The following AGBL1 variants were observed in gnomAD, a reference collection of about 807,000 sequenced individuals.
The protein encoded by AGBL1 is AGBL carboxypeptidase 1, also known as cytosolic carboxypeptidase 4.
A neutral mutation model predicts 118.9 loss-of-function variants in AGBL1; 130 were observed. The observed-to-expected ratio is 1.09, with a 90% CI of 0.95 to 1.26. The LOEUF is 1.26. Among genes scored for constraint, AGBL1 ranks in the 50% most tolerant of loss-of-function variants. The pLI is 0.00. For synonymous variants in AGBL1, 555 were observed against 478.9 expected, an observed-to-expected ratio of 1.16 and a Z score of -2.08; for missense variants, 1,584 against 1,298.1, an observed-to-expected ratio of 1.22 and a Z score of -3.38.
intron 22 of AGBL1, among the ~76,000 whole-genome samples, chr15:86,791,847 A>G (rs1817122): frequency 0.042 from 6,411 of 151,648 alleles, 304 homozygotes; most frequent in East Asian, 0.12. Flanking sequence ...AGCAATTCTC[A>G]TGCCTTAGCC....
At chr15:86,858,463 G>GGTGTGTGTGTGTGTGTGT (rs3059715) in intron 22 of AGBL1, among the ~76,000 whole-genome samples, 6 of 147,090 alleles carry the variant, frequency 4.1e-5, no homozygotes, top group African/African-American at 1.3e-4. Flanking sequence ...CCTTTCAGGT[G>GGTGTGTGTGTGTGTGTGT]GTGTGTGTGT....
intron 18 of AGBL1, among the ~76,000 whole-genome samples, chr15:86,460,845 TC>T (rs2082326157): frequency 6.6e-6 from 1 of 152,134 alleles, no homozygotes; most frequent in African/African-American, 2.4e-5. Context: ...TAGCAGCTGC[TC>T]CAGTTCTTGT....
At chr15:86,149,610 G>A (rs983939554) in intron 3 of AGBL1, among the ~76,000 whole-genome samples, 2 of 152,172 alleles carry the variant, frequency 1.3e-5, no homozygotes, top group Non-Finnish European at 2.9e-5. Context: ...CAATACAGGA[G>A]CACCCAGATT....
At chr15:86,762,329 A>G (rs951838129) in intron 22 of AGBL1, among the ~76,000 whole-genome samples, 12 of 152,024 alleles carry the variant, frequency 7.9e-5, no homozygotes, top group African/African-American at 2.7e-4. Context: ...ATGTTTACCT[A>G]TGTAACAAAC....
At chr15:86,335,091 A>C (rs1235845603) in intron 17 of AGBL1, among the ~76,000 whole-genome samples, 1 of 152,210 alleles carries the variant, frequency 6.6e-6, no homozygotes, top group Non-Finnish European at 1.5e-5. Flanking sequence ...TAGAGAAAGA[A>C]ATGGATACCA....
chr15:86,893,664 C>A (rs545987526), intron 22 of AGBL1, among the ~76,000 whole-genome samples: 2 of 152,202 alleles, frequency 1.3e-5, no homozygotes, highest in African/African-American at 4.8e-5. Flanking sequence ...CTGAAAGCTG[C>A]ATTTATATAG....
rs370489544 is a variant in AGBL1, at chr15:86,555,755, C to A, written c.2994+1218C>A. ...TTACTTCTAGGAACCTATTTTTTTT[C>A]ATATGTCAAATGCAGATTTTAATAA... is the stretch of plus-strand genomic sequence containing the variant. On this transcript the variant is annotated intron_variant, in intron 21 of 22. Transcript: ENST00000614907. Among the ~76,000 whole-genome samples the A allele has an allele frequency of 3.9e-5, 6 of 151,958 alleles. No individual in the cohort carries two copies. In the East Asian group the frequency reaches 9.7e-4, roughly 25 times the overall value.
At chr15:86,832,095 A>T (rs534757117) in intron 22 of AGBL1, among the ~76,000 whole-genome samples, 3 of 152,196 alleles carry the variant, frequency 2.0e-5, no homozygotes, top group Non-Finnish European at 4.4e-5. Flanking sequence ...GCTGGGATGC[A>T]GAGCACTAAG....
intron 23 of AGBL1, among the ~76,000 whole-genome samples, chr15:86,943,440 C>T (rs2141657820): frequency 6.6e-6 from 1 of 152,276 alleles, no homozygotes; most frequent in African/African-American, 2.4e-5. Flanking sequence ...AGGAGCTCCC[C>T]AGTAGGTCTT....
intron 21 of AGBL1, among the ~76,000 whole-genome samples, chr15:86,660,051 T>G (rs1163754727): frequency 1.3e-5 from 2 of 151,828 alleles, no homozygotes; most frequent in African/African-American, 4.8e-5. Context: ...GCTTGGCAAT[T>G]CTTGGATTGT....
chr15:86,269,787 T>A (rs1371441121), intron 13 of AGBL1, 132 bp from the exon 14 acceptor site: 11 of 1,060,286 alleles, frequency 1.0e-5, no homozygotes, highest in Non-Finnish European at 9.3e-6. Flanking sequence ...ATGATAAGTA[T>A]AACTTACCAG....
chr15:86,411,628 C>G (rs1303065933), intron 18 of AGBL1, among the ~76,000 whole-genome samples: 3 of 152,298 alleles, frequency 2.0e-5, no homozygotes, highest in African/African-American at 7.2e-5. Context: ...CATTTTCACT[C>G]CACAGAAAAT....
At chr15:86,805,894 A>C (rs1166214886) in intron 22 of AGBL1, among the ~76,000 whole-genome samples, 1 of 152,160 alleles carries the variant, frequency 6.6e-6, no homozygotes, top group African/African-American at 2.4e-5. Context: ...AGAAGCAGGG[A>C]AAACCAAAAC....
At chr15:86,977,111 A>G (rs919982848) in intron 23 of AGBL1, among the ~76,000 whole-genome samples, 4 of 151,956 alleles carry the variant, frequency 2.6e-5, no homozygotes, top group African/African-American at 9.7e-5. Context: ...CATCTTATAT[A>G]AAGATTTCAT....
intron 21 of AGBL1, among the ~76,000 whole-genome samples, chr15:86,625,375 T>TGTTG (rs1451757180): frequency 2.2e-5 from 1 of 44,594 alleles, no homozygotes. Context: ...GTTTTTTTTT[T>TGTTG]TTTGTTTTTG....
At chr15:86,250,779 T>A (rs2078803252) in intron 7 of AGBL1, among the ~76,000 whole-genome samples, 1 of 152,296 alleles carries the variant, frequency 6.6e-6, no homozygotes, top group East Asian at 1.9e-4. Context: ...TGAGCACAGA[T>A]GCCCTTGCAG....
intron 22 of AGBL1, among the ~76,000 whole-genome samples, chr15:86,866,378 C>T (rs1255487250): frequency 6.6e-6 from 1 of 152,202 alleles, no homozygotes; most frequent in Non-Finnish European, 1.5e-5. Context: ...GCATTGATCA[C>T]ACCCTCAAAG....
chr15:86,924,594 T>G (rs971052790), intron 23 of AGBL1, among the ~76,000 whole-genome samples: 3 of 152,162 alleles, frequency 2.0e-5, no homozygotes, highest in Non-Finnish European at 2.9e-5. Context: ...AGACGACAGC[T>G]CTGAAACCTA....
chr15:86,779,037 C>A (rs894621990), intron 22 of AGBL1, among the ~76,000 whole-genome samples: 1 of 152,210 alleles, frequency 6.6e-6, no homozygotes, highest in African/African-American at 2.4e-5. Context: ...TCCTGACTTC[C>A]CGCAACAGCT....
Sources: allele counts gnomAD v4.1 joint callset (sites outside exome capture counted in the v4.1 genomes callset), GRCh38; gene constraint gnomAD v4.1.1; transcripts MANE v1.5; gene names NCBI Gene and HGNC (gene_info 2026-07-23, HGNC 2026-07-21).